The following HLA-DMA variants were observed in gnomAD, a reference collection of about 807,000 sequenced individuals.
HLA-DMA encodes the protein major histocompatibility complex, class II, DM alpha.
Under a neutral mutation model 27.3 loss-of-function variants are expected in HLA-DMA, and 20 were observed. The ratio of observed to expected loss-of-function variants is 0.73; its 90% CI spans 0.52 to 1.07. The LOEUF is 1.07. HLA-DMA is among the 50% of genes least tolerant of loss of function. The probability of loss-of-function intolerance (pLI) is 0.00; values close to 1 mark genes in which losing one functional copy is unlikely to be tolerated. For missense variants in HLA-DMA, 241 were observed against 321.7 expected, an observed-to-expected ratio of 0.75 and a Z score of 1.92; for synonymous variants, 111 against 126.8, an observed-to-expected ratio of 0.88 and a Z score of 0.83.
Position 32,950,165 on chromosome 6 carries a change from T to A in HLA-DMA, c.374-276A>T. 2 of 594,024 alleles carry A rather than the reference T, an allele frequency of 3.4e-6. No homozygotes were observed. 36.8% of individuals were successfully genotyped at this position (594,024 alleles called of 1,614,324 possible). The stretch of plus-strand genomic sequence containing the variant: ...TTCCTGTCTAGAGCTCACATTGATG[T>A]CTAACCATGCACTGTCTTCTCACTA... On this transcript the variant is annotated intron_variant, in intron 2 of 4. Coordinates refer to ENST00000374843, the MANE Select transcript of HLA-DMA (RefSeq NM_006120.4). This position sits in a 1 kb window ranked among gnomAD's most constrained non-coding sequence, Gnocchi z 5.0.
intron 4 of HLA-DMA, 102 bp from the exon 5 acceptor site, chr6:32,948,970 C>T: frequency 7.5e-7 from 1 of 1,330,690 alleles, no homozygotes; most frequent in East Asian, 2.3e-5. Flanking sequence ...GCCCTGCCTG[C>T]ACCACACCCT....
Position 32,950,213 on chromosome 6 carries a change from A to G in HLA-DMA, c.373+306T>C. 3.4e-6 allele frequency: 2 copies of G among 590,884 alleles called. No individual in the cohort carries two copies. Among genetic ancestry groups the G allele is most frequent in the Non-Finnish European group, 3.0e-6 (1 of 333,174 alleles). 36.6% of individuals were successfully genotyped at this position (590,884 alleles called of 1,614,324 possible). ...CTAAGACATAGTCACGTCATCAGAT[A>G]TTTCCACTCTTCCCATCCATCTTGC... On this transcript the variant is annotated intron_variant, in intron 2 of 4. Transcript: ENST00000374843. The surrounding 1 kb of genome is among the most constrained non-coding windows in gnomAD (Gnocchi z 5.0).
In HLA-DMA at chr6:32,950,746, T is replaced by C. The variant is rs776478897; in HGVS notation, c.146A>G (p.Tyr49Cys). The C allele has an allele frequency of 6.2e-7, 1 of 1,613,024 alleles. No homozygotes were observed. The highest frequency in any genetic ancestry group is 8.5e-7 in the Non-Finnish European group (1 of 1,179,982). Residue 49 changes from tyrosine to cysteine, a missense_variant, in exon 2 of 5, where the codon TAC (tyrosine) becomes TGC (cysteine). Tyr to Cys is a radical substitution (Grantham distance 194). Transcript: ENST00000374843. The surrounding 1 kb of genome is among the most constrained non-coding windows in gnomAD (Gnocchi z 5.0). ...CACACTGGGACTCCCATCCTGGCAGTACACTGTGTGCAGGAATGTGTGGTT... is the reference window on the plus strand; with the variant it reads ...CACACTGGGACTCCCATCCTGGCAGCACACTGTGTGCAGGAATGTGTGGTT... ...LQNHTFLHTV[Y>C]CQDGSPSVGL...
rs765158083 is a variant in HLA-DMA at position 32,950,660 on chromosome 6, G to C, written c.232C>G (p.Arg78Gly). The C allele has an allele frequency of 6.2e-7, 1 of 1,613,050 alleles. No individual in the cohort carries two copies. Among genetic ancestry groups the C allele is most frequent in the South Asian group, 1.1e-5 (1 of 91,082 alleles). ...LFFFDFSQNT[R>G]VPRLPEFADW... ...GCAAATTCGGGCAGGCGAGGCACCC[G>C]AGTGTTCTGGGAAAAGTCGAAGAAG... The change falls in exon 2 of 5, where the codon CGG becomes GGG. Residue 78 changes from arginine (R) to glycine (G), a missense_variant. Physicochemically the swap from Arg to Gly is moderately radical, Grantham distance 125. Transcript: ENST00000374843. This position sits in a 1 kb window ranked among gnomAD's most constrained non-coding sequence, Gnocchi z 5.0.
At chr6:32,951,651 G>A (rs1340066192) in intron 1 of HLA-DMA, among the ~76,000 whole-genome samples, 3 of 150,294 alleles carry the variant, frequency 2.0e-5, no homozygotes, top group African/African-American at 7.4e-5. Context: ...TATAAAGGCC[G>A]GGCGCGGTGG....
At position 32,949,251 on chromosome 6, in the gene HLA-DMA, G is replaced by A. The variant is rs763410327; in HGVS notation, c.781+20C>T. ...GTATCTGGCTCCCACAGGCTCACCC[G>A]CCCCCTCCAGATGACATACCACCTG... On this transcript the variant is annotated intron_variant, in intron 4 of 4. Transcript: ENST00000374843. This position sits in a 1 kb window ranked among gnomAD's most constrained non-coding sequence, Gnocchi z 5.8. 45 of 1,613,504 alleles carry A rather than the reference G, an allele frequency of 2.8e-5. 1 individual carries two copies. Among genetic ancestry groups the A allele is most frequent in the South Asian group, 1.5e-4 (14 of 91,050 alleles).
rs775794476 is a variant in HLA-DMA, at chr6:32,952,961, C to T, written c.76G>A (p.Ala26Thr). ...PLLWLLPHSWAVPEAPTPMWP... is the reference protein window; with the variant it reads ...PLLWLLPHSWTVPEAPTPMWP... ...AGTACCATCTTACCTTCAGGGACGG[C>T]CCAGGAGTGGGGTAGCAGCCACAGA... The change falls in exon 1 of 5, where the codon GCC (alanine) becomes ACC (threonine). Residue 26 changes from alanine (A) to threonine (T), a missense_variant. Ala to Thr is a moderately conservative substitution (Grantham distance 58, BLOSUM62 0). Transcript: ENST00000374843. 1.2e-6 allele frequency: 2 copies of T among 1,612,538 alleles called. No individual in the cohort carries two copies. The highest frequency in any genetic ancestry group is 1.7e-6 in the Non-Finnish European group (2 of 1,179,640).
rs974893887 is a variant in HLA-DMA, at chr6:32,948,757, C to T, written c.*107G>A. 5 of 1,115,998 alleles carry T rather than the reference C, an allele frequency of 4.5e-6. No individual in the cohort carries two copies. The African/African-American group carries it at 1.1e-4, about 24-fold the overall frequency. 69.1% of individuals were successfully genotyped at this position (1,115,998 alleles called of 1,614,324 possible). A position where few individuals can be genotyped will look rare whatever the true frequency, so the allele number is the denominator to read the frequency against. On this transcript the variant is annotated 3_prime_UTR_variant, in exon 5 of 5. Coordinates refer to ENST00000374843, the MANE Select transcript of HLA-DMA (RefSeq NM_006120.4). ...TCTACACACACACCCCAGGGATGTC[C>T]CAGAGACTTCTACCCTAAGAGGAGA...
chr6:32,952,986 AAGTGGTAACATCTGT>A lies in HLA-DMA; in HGVS notation c.36_50del (p.Gln13_Leu17del). On this transcript the variant is annotated inframe_deletion, in exon 1 of 5. Coordinates refer to ENST00000374843, the MANE Select transcript of HLA-DMA (RefSeq NM_006120.4). ...CCCAGGAGTGGGGTAGCAGCCACAG[AAGTGGTAACATCTGT>A]AGCAGCGCAGCTCCTTGGTTCTGTT... 6.2e-7 allele frequency: 1 copy of A among 1,612,974 alleles called. No homozygotes were observed. The highest frequency in any genetic ancestry group is 8.5e-7 in the Non-Finnish European group (1 of 1,179,972).
At chr6:32,952,823 C>A in intron 1 of HLA-DMA, 126 bp downstream of exon 1, 4 of 707,030 alleles carry the variant, frequency 5.7e-6, no homozygotes, top group Admixed American at 2.3e-5. Flanking sequence ...CTGTCTTTCC[C>A]CACTCCCCTG....
In HLA-DMA at chr6:32,950,704, T is replaced by C; in HGVS notation, c.188A>G (p.Tyr63Cys). The C allele has an allele frequency of 1.2e-6, 2 of 1,613,084 alleles. No homozygotes were observed. Among genetic ancestry groups the C allele is most frequent in the Non-Finnish European group, 1.7e-6 (2 of 1,180,042 alleles). ...GAAGAAGAAAAGCTGGTCCTCGTCG[T>C]AGGCCTCAGAGAGTCCCACACTGGG... ...GSPSVGLSEA[Y>C]DEDQLFFFDF... The change falls in exon 2 of 5, where the codon TAC becomes TGC. Residue 63 changes from tyrosine (Y) to cysteine (C), a missense_variant. By Grantham distance (194) the Tyr-to-Cys change is radical. Coordinates refer to ENST00000374843, the MANE Select transcript of HLA-DMA (RefSeq NM_006120.4). This position sits in a 1 kb window ranked among gnomAD's most constrained non-coding sequence, Gnocchi z 5.0.
rs924639775 is a variant in HLA-DMA, at chr6:32,950,086, G to T, written c.374-197C>A. On this transcript the variant is annotated intron_variant, in intron 2 of 4. Transcript: ENST00000374843. The surrounding 1 kb of genome is among the most constrained non-coding windows in gnomAD (Gnocchi z 5.0). Reference sequence around the variant, plus strand: ...GCAAGGACTGCAGCTAGACATAGAAGCAGAGCCAGATCCAGGCTACTCTGG... The same window carrying T: ...GCAAGGACTGCAGCTAGACATAGAATCAGAGCCAGATCCAGGCTACTCTGG... The T allele has an allele frequency of 2.3e-4, 144 of 615,592 alleles. 3 individuals carry two copies. In the South Asian group the frequency reaches 2.9e-3, roughly 12 times the overall value. 38.1% of individuals were successfully genotyped at this position (615,592 alleles called of 1,614,324 possible). A position where few individuals can be genotyped will look rare whatever the true frequency, so the allele number is the denominator to read the frequency against.
Position 32,953,069 on chromosome 6 carries a change from A to T in HLA-DMA, c.-33T>A. 6.6e-7 allele frequency: 1 copy of T among 1,511,050 alleles called. No individual in the cohort carries two copies. The highest frequency in any genetic ancestry group is 9.2e-7 in the Non-Finnish European group (1 of 1,092,054). 93.6% of individuals were successfully genotyped at this position (1,511,050 alleles called of 1,614,324 possible). A position where few individuals can be genotyped will look rare whatever the true frequency, so the allele number is the denominator to read the frequency against. On this transcript the variant is annotated 5_prime_UTR_variant, in exon 1 of 5. Transcript: ENST00000374843. ...TGCCACACAGTAGGTAGGAGCTACCAACCCAGCCAACCCAGCTTCCCCAAC... is the reference window on the plus strand; with the variant it reads ...TGCCACACAGTAGGTAGGAGCTACCTACCCAGCCAACCCAGCTTCCCCAAC...
Position 32,950,354 on chromosome 6 carries a change from C to A in HLA-DMA, c.373+165G>T, listed in dbSNP as rs1253007648. On this transcript the variant is annotated intron_variant, in intron 2 of 4. Coordinates refer to ENST00000374843, the MANE Select transcript of HLA-DMA (RefSeq NM_006120.4). The surrounding 1 kb of genome is among the most constrained non-coding windows in gnomAD (Gnocchi z 5.0). ...CTACATGCTAGGTACTTCGGCCCAC[C>A]AAAAGAACACAGGGTGCAGACCAAG... The A allele has an allele frequency of 1.2e-6, 1 of 848,626 alleles. No individual in the cohort carries two copies. The highest frequency in any genetic ancestry group is 1.9e-6 in the Non-Finnish European group (1 of 528,532). 52.6% of individuals were successfully genotyped at this position (848,626 alleles called of 1,614,324 possible).
rs375525506 is a variant in HLA-DMA at position 32,949,417 on chromosome 6, C to T, written c.653-18G>A. 3 of 1,613,376 alleles carry T rather than the reference C, an allele frequency of 1.9e-6. No homozygotes were observed. Among genetic ancestry groups the T allele is most frequent in the African/African-American group, 2.7e-5 (2 of 75,010 alleles). On this transcript the variant is annotated intron_variant, in intron 3 of 4. Transcript: ENST00000374843. This position sits in a 1 kb window ranked among gnomAD's most constrained non-coding sequence, Gnocchi z 5.8. ...CCGGGGTACTGGAGGAAATGAGTGGCTCAGCCTGGGGACCTAGTTAGGGAG... is the reference window on the plus strand; with the variant it reads ...CCGGGGTACTGGAGGAAATGAGTGGTTCAGCCTGGGGACCTAGTTAGGGAG...
Position 32,950,369 on chromosome 6 carries a change from T to G in HLA-DMA, c.373+150A>C. ...TTCGGCCCACCAAAAGAACACAGGG[T>G]GCAGACCAAGGCTGGTGGAAAAATT... is the stretch of plus-strand genomic sequence containing the variant. On this transcript the variant is annotated intron_variant, in intron 2 of 4. Transcript: ENST00000374843. This position sits in a 1 kb window ranked among gnomAD's most constrained non-coding sequence, Gnocchi z 5.0. The G allele has an allele frequency of 1.1e-6, 1 of 950,534 alleles. No individual in the cohort carries two copies. Among genetic ancestry groups the G allele is most frequent in the Non-Finnish European group, 1.6e-6 (1 of 615,378 alleles). 58.9% of individuals were successfully genotyped at this position (950,534 alleles called of 1,614,324 possible).
chr6:32,950,313 T>A lies in HLA-DMA; in HGVS notation c.373+206A>T. 1.5e-6 allele frequency: 1 copy of A among 646,580 alleles called. No individual in the cohort carries two copies. The highest frequency in any genetic ancestry group is 2.7e-6 in the Non-Finnish European group (1 of 365,914). The allele number at this position is 646,580 out of a possible 1,614,324, so 40.1% of individuals were successfully genotyped here. A position where few individuals can be genotyped will look rare whatever the true frequency, so the allele number is the denominator to read the frequency against. On this transcript the variant is annotated intron_variant, in intron 2 of 4. Coordinates refer to ENST00000374843, the MANE Select transcript of HLA-DMA (RefSeq NM_006120.4). The surrounding 1 kb of genome is among the most constrained non-coding windows in gnomAD (Gnocchi z 5.0). ...TGTTGAATTCATCACATTCAATACA[T>A]AGTTCTGAATGCCTACTACATGCTA... is the stretch of plus-strand genomic sequence containing the variant.
intron 1 of HLA-DMA, among the ~76,000 whole-genome samples, chr6:32,951,816 C>T (rs1209879889): frequency 1.3e-5 from 2 of 152,040 alleles, no homozygotes; most frequent in African/African-American, 4.8e-5. Flanking sequence ...GTAATCCCAG[C>T]TACTTGGGAG....
intron 1 of HLA-DMA, 34 bp downstream of exon 1, chr6:32,952,915 T>C: frequency 6.5e-7 from 1 of 1,541,146 alleles, no homozygotes. Flanking sequence ...GCTCCCTAGG[T>C]TCAGGATGGA....
Sources: gnomAD v4.1 joint callset for allele counts (sites outside exome capture counted in the v4.1 genomes callset) on GRCh38, gnomAD v4.1.1 for gene constraint, Gnocchi (gnomAD v3.1) non-coding constraint, MANE v1.5 for transcripts, NCBI Gene and HGNC (gene_info 2026-07-23, HGNC 2026-07-21) for gene names.